The following RNF166 variants were observed in gnomAD, a reference collection of about 807,000 sequenced individuals.
RNF166 encodes E3 ubiquitin-protein ligase RNF166.
Under a neutral mutation model 29.4 loss-of-function variants are expected in RNF166, and 19 were observed. The observed-to-expected ratio is 0.65, with a 90% CI of 0.45 to 0.95. The LOEUF is 0.95. Among genes scored for constraint, RNF166 ranks in the 40% least tolerant of loss-of-function variants. RNF166 has a pLI of 0.00. For synonymous variants in RNF166, 171 were observed against 134.5 expected (o/e 1.27, Z -1.88); for missense variants, 347 against 322.1 (o/e 1.08, Z -0.59).
intron 2 of RNF166, 60 bp from the exon 3 acceptor site, chr16:88,699,792 G>A: frequency 1.5e-6 from 2 of 1,298,420 alleles, no homozygotes; most frequent in East Asian, 2.5e-5. Context: ...CCGTCCTGGG[G>A]AGGCCGAGAC....
chr16:88,703,612 G>A (rs149607034), intron 1 of RNF166: 435 of 985,500 alleles, frequency 4.4e-4, no homozygotes, highest in East Asian at 1.3e-3. Context: ...GCCAGCAGCC[G>A]GGAGTAGTGC....
Position 88,697,102 on chromosome 16 carries a change from CCAG to C in RNF166, c.*463_*465del, listed in dbSNP as rs1909705156. Reference sequence around the variant, plus strand: ...CACACTGGATAATATAGAAAAGATGCCAGGGTTCCTAAGTATCACAAAAGCCAG... The same window carrying C: ...CACACTGGATAATATAGAAAAGATGCGGTTCCTAAGTATCACAAAAGCCAG... On this transcript the variant is annotated 3_prime_UTR_variant, in exon 6 of 6. Transcript: ENST00000312838. The C allele has an allele frequency of 6.0e-6, 1 of 165,692 alleles. No individual in the cohort carries two copies. Among genetic ancestry groups the C allele is most frequent in the South Asian group, 1.5e-4 (1 of 6,798 alleles). The allele number at this position is 165,692 out of a possible 1,614,324, so 10.3% of individuals were successfully genotyped here.
intron 1 of RNF166, among the ~76,000 whole-genome samples, chr16:88,702,381 TTCCCTTC>T (rs965466655): frequency 2.6e-5 from 4 of 152,148 alleles, no homozygotes; most frequent in African/African-American, 9.7e-5. Flanking sequence ...GGGGTGTAGC[TTCCCTTC>T]TCCCTGGCAA....
intron 3 of RNF166, 100 bp from the exon 4 acceptor site, chr16:88,699,185 G>A: frequency 2.3e-6 from 2 of 876,752 alleles, no homozygotes; most frequent in Non-Finnish European, 3.7e-6. Context: ...CCTGCCCTCT[G>A]TAGGCTGCAA....
In RNF166 at chr16:88,703,835, C is replaced by G. The variant is rs142699905; in HGVS notation, c.155+2336G>C. ...CGCTGCACAAGCTGAGAAGCTGGGA[C>G]GGCCCGTGCCTCAGGGATCTGCCTG... On this transcript the variant is annotated intron_variant, in intron 1 of 5. Transcript: ENST00000312838. 7.1e-6 allele frequency: 7 copies of G among 985,338 alleles called. No individual in the cohort carries two copies. The East Asian group carries it at 7.9e-4, about 112-fold the overall frequency. The allele number at this position is 985,338 out of a possible 1,614,324, so 61.0% of individuals were successfully genotyped here.
intron 1 of RNF166, chr16:88,704,489 A>C (rs1466080935): frequency 1.0e-6 from 1 of 985,262 alleles, no homozygotes. Context: ...ACATTTTAGG[A>C]AAAGACATAT....
chr16:88,700,740 G>T, intron 2 of RNF166: 1 of 994,542 alleles, frequency 1.0e-6, no homozygotes, highest in Non-Finnish European at 1.2e-6. Context: ...GGACAGGATG[G>T]ACATGGGGGC....
At chr16:88,704,801 C>T (rs1910607953) in intron 1 of RNF166, among the ~76,000 whole-genome samples, 1 of 152,178 alleles carries the variant, frequency 6.6e-6, no homozygotes, top group Non-Finnish European at 1.5e-5. Context: ...ACCAGCCTGG[C>T]CAACATGGTG....
intron 5 of RNF166, chr16:88,698,001 C>T (rs1049363261): frequency 4.2e-6 from 2 of 476,950 alleles, no homozygotes; most frequent in Non-Finnish European, 7.6e-6. Context: ...GGAGTGACAG[C>T]CATCGCCAGG....
At position 88,696,563 on chromosome 16, in the gene RNF166, A is replaced by G. The variant is rs1234399648; in HGVS notation, c.*1005T>C. The G allele has an allele frequency of 2.2e-6, 1 of 448,964 alleles. No individual in the cohort carries two copies. The highest frequency in any genetic ancestry group is 2.0e-5 in the African/African-American group (1 of 49,356). 27.8% of individuals were successfully genotyped at this position (448,964 alleles called of 1,614,324 possible). ...AAAAAGACAGCAATAATTAATGCCAAGAACAGAAAAGAATGTTGACGTGTT... is the reference window on the plus strand; with the variant it reads ...AAAAAGACAGCAATAATTAATGCCAGGAACAGAAAAGAATGTTGACGTGTT... On this transcript the variant is annotated 3_prime_UTR_variant, in exon 6 of 6. Coordinates refer to ENST00000312838, the MANE Select transcript of RNF166 (RefSeq NM_178841.4).
At chr16:88,698,162 T>C (rs1909821321) in intron 5 of RNF166, 1 of 598,770 alleles carries the variant, frequency 1.7e-6, no homozygotes, top group Non-Finnish European at 3.0e-6. Context: ...GAGTGTTCGA[T>C]GTTGATGAAA....
chr16:88,702,651 C>G (rs774046417), intron 1 of RNF166: 2 of 970,600 alleles, frequency 2.1e-6, no homozygotes, highest in South Asian at 4.8e-5. Context: ...CACAGAGCCA[C>G]CACCTGGCTG....
chr16:88,701,371 A>C lies in RNF166; in HGVS notation c.203T>G (p.Leu68Arg). 5 of 1,612,300 alleles carry C rather than the reference A, an allele frequency of 3.1e-6. No individual in the cohort carries two copies. The highest frequency in any genetic ancestry group is 4.2e-6 in the Non-Finnish European group (5 of 1,179,640). ...LQPCLQVPSP[L>R]CPLCRLPFDP... ...GAAGGGCAGGCGGCAGAGTGGGCAC[A>C]GCGGGGATGGCACCTGCAGGCAGGG... Residue 68 changes from leucine to arginine, a missense_variant, in exon 2 of 6, where the codon CTG (leucine) becomes CGG (arginine). Coordinates refer to ENST00000312838, the MANE Select transcript of RNF166 (RefSeq NM_178841.4).
intron 1 of RNF166, chr16:88,703,937 C>G (rs933390159): frequency 1.0e-6 from 1 of 985,354 alleles, no homozygotes; most frequent in Non-Finnish European, 1.2e-6. Flanking sequence ...CCCTTCCAGG[C>G]AGGTTCGTGA....
At chr16:88,698,120 C>T (rs970605633) in intron 5 of RNF166, 3 of 587,074 alleles carry the variant, frequency 5.1e-6, no homozygotes, top group African/African-American at 3.7e-5. Context: ...GTGTGCCTGA[C>T]CCGCGGCGGG....
intron 1 of RNF166, among the ~76,000 whole-genome samples, chr16:88,705,741 G>T (rs1567641934): frequency 6.6e-6 from 1 of 152,230 alleles, no homozygotes; most frequent in Non-Finnish European, 1.5e-5. Flanking sequence ...CAGACAGCGG[G>T]TCCGAACAAG....
chr16:88,706,108 T>G (rs1910771517), intron 1 of RNF166, 63 bp downstream of exon 1: 1 of 1,058,030 alleles, frequency 9.5e-7, no homozygotes, highest in Non-Finnish European at 1.1e-6. Flanking sequence ...GCCGCCGGCC[T>G]CGCGACCCCT....
chr16:88,700,693 G>A, intron 2 of RNF166: 1 of 987,624 alleles, frequency 1.0e-6, no homozygotes, highest in Non-Finnish European at 1.2e-6. Context: ...TGAAGCGGAT[G>A]TGCCAGGGAG....
At chr16:88,703,152 G>C (rs1280997355) in intron 1 of RNF166, 2 of 985,318 alleles carry the variant, frequency 2.0e-6, no homozygotes, top group Non-Finnish European at 2.4e-6. Flanking sequence ...GTCCAGCAGA[G>C]AGAAACCCAG....
Sources: gnomAD v4.1 joint callset for allele counts (sites outside exome capture counted in the v4.1 genomes callset) on GRCh38, gnomAD v4.1.1 for gene constraint, MANE v1.5 for transcripts, NCBI Gene and HGNC (gene_info 2026-07-23, HGNC 2026-07-21) for gene names.